Variants in CREB3L2 observed in about 807,000 individuals in gnomAD.
CREB3L2 encodes cyclic AMP-responsive element-binding protein 3-like protein 2.
Under a neutral mutation model 57.2 loss-of-function variants are expected in CREB3L2, and 23 were observed. That is an observed-to-expected ratio of 0.40 (90% CI 0.29 to 0.57). The LOEUF is 0.57. Among genes scored for constraint, CREB3L2 ranks in the 20% least tolerant of loss-of-function variants. CREB3L2 has a pLI of 0.42. For missense variants in CREB3L2, 628 were observed against 634.7 expected (o/e 0.99, Z 0.11); for synonymous variants, 268 against 265.1 (o/e 1.01, Z -0.11).
chr7:137,886,099 T>C (rs1485969800), intron 8 of CREB3L2, among the ~76,000 whole-genome samples: 1 of 152,194 alleles, frequency 6.6e-6, no homozygotes, highest in Admixed American at 6.5e-5. Context: ...ACTTTTATCT[T>C]GGACTTCCCA....
rs541243333 is a variant in CREB3L2, at chr7:137,879,849, G to A, written c.*627C>T. On this transcript the variant is annotated 3_prime_UTR_variant, in exon 12 of 12. Coordinates refer to ENST00000330387, the MANE Select transcript of CREB3L2 (RefSeq NM_194071.4). Reference sequence around the variant, plus strand: ...GCGACAAGATGGGGCAGGTTTGCCTGGAGTAGAAAAGCCTGATCCCCTCAG... The same window carrying A: ...GCGACAAGATGGGGCAGGTTTGCCTAGAGTAGAAAAGCCTGATCCCCTCAG... 8.5e-6 allele frequency: 2 copies of A among 234,974 alleles called. No individual in the cohort carries two copies. The highest frequency in any genetic ancestry group is 1.2e-4 in the East Asian group (2 of 16,526). 14.6% of individuals were successfully genotyped at this position (234,974 alleles called of 1,614,324 possible). A position where few individuals can be genotyped will look rare whatever the true frequency, so the allele number is the denominator to read the frequency against.
At chr7:137,976,127 G>A (rs992490163) in intron 1 of CREB3L2, among the ~76,000 whole-genome samples, 8 of 152,226 alleles carry the variant, frequency 5.3e-5, no homozygotes, top group African/African-American at 1.9e-4. Flanking sequence ...ACTCTGATTA[G>A]CCAAGTATTG....
intron 1 of CREB3L2, among the ~76,000 whole-genome samples, chr7:137,949,644 G>A (rs1459704908): frequency 6.6e-6 from 1 of 152,096 alleles, no homozygotes; most frequent in African/African-American, 2.4e-5. Context: ...CAGACGTAAA[G>A]CTTGTCAACA....
intron 1 of CREB3L2, among the ~76,000 whole-genome samples, chr7:137,959,352 C>T (rs191127496): frequency 6.6e-6 from 1 of 152,200 alleles, no homozygotes; most frequent in East Asian, 1.9e-4. Flanking sequence ...TAATGAGTGA[C>T]CCCCAAGGTC....
intron 1 of CREB3L2, among the ~76,000 whole-genome samples, chr7:137,931,558 T>C (rs1800637879): frequency 6.7e-6 from 1 of 149,212 alleles, no homozygotes; most frequent in African/African-American, 2.5e-5. Context: ...CCAGGCTTGC[T>C]TGGTGGCTCA....
chr7:137,954,365 G>T (rs1337846878), intron 1 of CREB3L2, among the ~76,000 whole-genome samples: 1 of 152,222 alleles, frequency 6.6e-6, no homozygotes, highest in East Asian at 1.9e-4. Flanking sequence ...GGTGACAGCA[G>T]ATAGCTACCC....
intron 8 of CREB3L2, among the ~76,000 whole-genome samples, chr7:137,887,435 G>A (rs1799443355): frequency 2.0e-5 from 3 of 152,322 alleles, no homozygotes; most frequent in East Asian, 1.9e-4. Flanking sequence ...TGGGCCAGGC[G>A]CGGTGGCTCA....
intron 8 of CREB3L2, among the ~76,000 whole-genome samples, chr7:137,895,739 T>A (rs1317699215): frequency 1.3e-5 from 2 of 151,986 alleles, no homozygotes; most frequent in African/African-American, 2.4e-5. Flanking sequence ...TGGGGTATTG[T>A]ATAGGGGTGG....
chr7:137,948,917 C>G (rs941202630), intron 1 of CREB3L2, among the ~76,000 whole-genome samples: 3 of 152,212 alleles, frequency 2.0e-5, no homozygotes, highest in Non-Finnish European at 4.4e-5. Context: ...AGTTTTGTGA[C>G]TATCCCAGGC....
chr7:137,956,580 T>C, intron 1 of CREB3L2: 2 of 1,288,752 alleles, frequency 1.6e-6, no homozygotes, highest in Non-Finnish European at 2.0e-6. Context: ...CTTCCATCTT[T>C]CAGGTCCTGG....
chr7:137,881,714 G>A (rs776880138), intron 11 of CREB3L2, among the ~76,000 whole-genome samples: 4 of 152,158 alleles, frequency 2.6e-5, no homozygotes, highest in Admixed American at 1.3e-4. Context: ...CATGTCACAC[G>A]TAACCAGGAG....
In CREB3L2 at chr7:137,891,944, C is replaced by T. The variant is rs573444495; in HGVS notation, c.1044-6442G>A. Among the ~76,000 whole-genome samples, 5 of 152,182 alleles carry T rather than the reference C, an allele frequency of 3.3e-5. 1 individual carries two copies. Among genetic ancestry groups the T allele is most frequent in the African/African-American group, 9.6e-5 (4 of 41,522 alleles). Reference sequence around the variant, plus strand: ...GGAACTCTCTGGGGAGTGGTGTGTGCGGGTGCACATATGTGTGTGTGTGCC... The same window carrying T: ...GGAACTCTCTGGGGAGTGGTGTGTGTGGGTGCACATATGTGTGTGTGTGCC... On this transcript the variant is annotated intron_variant, in intron 8 of 11. Transcript: ENST00000330387.
In CREB3L2 at chr7:137,877,816, T is replaced by C. The variant is rs1239273245; in HGVS notation, c.*2660A>G. 4.4e-6 allele frequency: 1 copy of C among 228,482 alleles called. No individual in the cohort carries two copies. The highest frequency in any genetic ancestry group is 8.7e-6 in the Non-Finnish European group (1 of 115,302). 14.2% of individuals were successfully genotyped at this position (228,482 alleles called of 1,614,324 possible). On this transcript the variant is annotated 3_prime_UTR_variant, in exon 12 of 12. Coordinates refer to ENST00000330387, the MANE Select transcript of CREB3L2 (RefSeq NM_194071.4). ...GGTGGGGAAAACAAATCCACTGATA[T>C]TCTGGTCTTAATCCCTGAACAGAAA... is the stretch of plus-strand genomic sequence containing the variant.
intron 8 of CREB3L2, among the ~76,000 whole-genome samples, chr7:137,888,996 A>AT (rs1192813519): frequency 6.6e-6 from 1 of 151,864 alleles, no homozygotes; most frequent in Non-Finnish European, 1.5e-5. Context: ...GACCACTTCC[A>AT]TTTTTTACCA....
At chr7:137,993,912 A>C (rs1369649133) in intron 1 of CREB3L2, among the ~76,000 whole-genome samples, 2 of 152,204 alleles carry the variant, frequency 1.3e-5, no homozygotes, top group Non-Finnish European at 2.9e-5. Context: ...CCATAGATAA[A>C]ATGGCCCATC....
intron 6 of CREB3L2, among the ~76,000 whole-genome samples, chr7:137,904,281 A>T (rs2117203734): frequency 6.6e-6 from 1 of 152,300 alleles, no homozygotes; most frequent in African/African-American, 2.4e-5. Flanking sequence ...CTGTAATCCC[A>T]ACACTTTGGG....
chr7:137,943,239 A>C (rs1220973111), intron 1 of CREB3L2, among the ~76,000 whole-genome samples: 2 of 152,132 alleles, frequency 1.3e-5, no homozygotes, highest in Admixed American at 6.6e-5. Context: ...TTCTGCTTCC[A>C]CTCACACCTA....
chr7:137,967,222 G>A (rs1801423569), intron 1 of CREB3L2, among the ~76,000 whole-genome samples: 1 of 152,208 alleles, frequency 6.6e-6, no homozygotes. Context: ...AGTCTCCAGA[G>A]CTGTAAGAAA....
At chr7:137,973,523 T>C (rs1255881407) in intron 1 of CREB3L2, among the ~76,000 whole-genome samples, 1 of 152,008 alleles carries the variant, frequency 6.6e-6, no homozygotes, top group Admixed American at 6.5e-5. Flanking sequence ...TGGGAGCAAG[T>C]AGCAAAAAGG....
Sources: allele counts gnomAD v4.1 joint callset (sites outside exome capture counted in the v4.1 genomes callset), GRCh38; gene constraint gnomAD v4.1.1; transcripts MANE v1.5; gene names NCBI Gene and HGNC (gene_info 2026-07-23, HGNC 2026-07-21).